The following AHCYL1 variants were observed in gnomAD, a reference collection of about 807,000 sequenced individuals.
AHCYL1 encodes S-adenosylhomocysteine hydrolase-like protein 1.
AHCYL1 carries 20 observed loss-of-function variants against 79.3 expected under a neutral mutation model. That is an observed-to-expected ratio of 0.25 (90% CI 0.18 to 0.37). The LOEUF (loss-of-function observed/expected upper bound fraction) is 0.37, where lower values mean the gene tolerates loss of function less well. AHCYL1 is among the 10% of genes least tolerant of loss of function. The pLI is 1.00. For synonymous variants in AHCYL1, 223 were observed against 242.2 expected, an observed-to-expected ratio of 0.92 and a Z score of 0.74; for missense variants, 330 against 673.6, an observed-to-expected ratio of 0.49 and a Z score of 5.65.
chr1:109,999,023 G>A (rs1650169702), intron 1 of AHCYL1, among the ~76,000 whole-genome samples: 1 of 152,080 alleles, frequency 6.6e-6, no homozygotes, highest in African/African-American at 2.4e-5. Context: ...TGGGCACGGT[G>A]GCACATGACT....
At chr1:109,997,023 A>G (rs1650068126) in intron 1 of AHCYL1, among the ~76,000 whole-genome samples, 1 of 152,236 alleles carries the variant, frequency 6.6e-6, no homozygotes, top group East Asian at 1.9e-4. Flanking sequence ...CCAAAGCAGT[A>G]TGTAAACAAC....
chr1:110,012,515 A>G, intron 4 of AHCYL1, 53 bp downstream of exon 4: 2 of 1,453,024 alleles, frequency 1.4e-6, no homozygotes. Context: ...GAAAGAAATC[A>G]ATTTTTTTTT....
rs375317398 is a variant in AHCYL1, at chr1:110,018,660, G to C, written c.1317+10G>C. 3.7e-6 allele frequency: 6 copies of C among 1,610,738 alleles called. No homozygotes were observed. The African/African-American group carries it at 6.7e-5, about 18-fold the overall frequency. ...TGTCCTCCTGGCAGAGGTACACACA[G>C]AGAAGGACCCTGGCAGAGCAGCACA... On this transcript the variant is annotated intron_variant, in intron 13 of 16. Transcript: ENST00000369799.
intron 14 of AHCYL1, 114 bp from the exon 15 acceptor site, chr1:110,019,434 T>C (rs1178769805): frequency 2.2e-6 from 2 of 926,140 alleles, no homozygotes; most frequent in African/African-American, 3.3e-5. Context: ...CTAGGTACTG[T>C]GACTGTGGTA....
At chr1:109,985,303 G>A in intron 1 of AHCYL1, 131 bp downstream of exon 1, 1 of 1,403,724 alleles carries the variant, frequency 7.1e-7, no homozygotes, top group Non-Finnish European at 9.3e-7. Context: ...GTAGGGGGTG[G>A]CGGCTGTGCG....
At chr1:110,012,572 T>A in intron 4 of AHCYL1, 110 bp downstream of exon 4, 1 of 882,094 alleles carries the variant, frequency 1.1e-6, no homozygotes, top group Non-Finnish European at 1.6e-6. Flanking sequence ...TGCTAACTAT[T>A]AATAGGATCT....
At chr1:109,992,357 C>G (rs936915842) in intron 1 of AHCYL1, among the ~76,000 whole-genome samples, 7 of 149,410 alleles carry the variant, frequency 4.7e-5, no homozygotes, top group Admixed American at 1.4e-4. Context: ...TTGCAGTGAG[C>G]CAAGATCGCA....
At chr1:109,993,028 G>C (rs1649847414) in intron 1 of AHCYL1, among the ~76,000 whole-genome samples, 1 of 152,120 alleles carries the variant, frequency 6.6e-6, no homozygotes, top group African/African-American at 2.4e-5. Context: ...CTCCCTCTTT[G>C]GGATGCTCCT....
intron 1 of AHCYL1, among the ~76,000 whole-genome samples, chr1:109,990,338 GT>G (rs796583308): frequency 1.3e-5 from 2 of 152,200 alleles, no homozygotes; most frequent in East Asian, 1.9e-4. Flanking sequence ...AATTAGTGGG[GT>G]TTTTTTGTAC....
At chr1:110,013,733 AT>A in intron 5 of AHCYL1, among the ~76,000 whole-genome samples, 1 of 151,946 alleles carries the variant, frequency 6.6e-6, no homozygotes, top group East Asian at 1.9e-4. Flanking sequence ...AATAATAATA[AT>A]TTTTATTATT....
Position 110,018,398 on chromosome 1 carries a change from G to A in AHCYL1, c.1149G>A (p.Glu383=), listed in dbSNP as rs1329001229. 1 of 1,614,024 alleles carries A rather than the reference G, an allele frequency of 6.2e-7. No homozygotes were observed. The highest frequency in any genetic ancestry group is 8.5e-7 in the Non-Finnish European group (1 of 1,180,020). Residue 383 remains glutamate (E), a synonymous_variant, in exon 12 of 17, where the codon GAG becomes GAA. Coordinates refer to ENST00000369799, the MANE Select transcript of AHCYL1 (RefSeq NM_006621.7). Reference sequence around the variant, plus strand: ...GAAATAAGAATGTAGTGACACGGGAGCACTTGGATCGCATGAAAAACAGTT... The same window carrying A: ...GAAATAAGAATGTAGTGACACGGGAACACTTGGATCGCATGAAAAACAGTT... The part of the protein sequence containing the change: ...CTGNKNVVTR[E]HLDRMKNSCI...
Position 110,021,902 on chromosome 1 carries a change from T to C in AHCYL1, c.*222T>C. 2.0e-6 allele frequency: 1 copy of C among 497,990 alleles called. No individual in the cohort carries two copies. Among genetic ancestry groups the C allele is most frequent in the Non-Finnish European group, 3.5e-6 (1 of 285,562 alleles). The allele number at this position is 497,990 out of a possible 1,614,324, so 30.8% of individuals were successfully genotyped here. On this transcript the variant is annotated 3_prime_UTR_variant, in exon 17 of 17. Coordinates refer to ENST00000369799, the MANE Select transcript of AHCYL1 (RefSeq NM_006621.7). ...GTTCAGGGTTCCTCACTCTAGTCAC[T>C]AAAGAAGGATTTTACTCTCCCAGCC...
chr1:110,014,699 A>G (rs1651290765), intron 5 of AHCYL1, 64 bp from the exon 6 acceptor site: 3 of 1,254,064 alleles, frequency 2.4e-6, no homozygotes, highest in Admixed American at 1.9e-5. Context: ...TGGATCTCAG[A>G]AAGTGATTTG....
intron 1 of AHCYL1, chr1:109,985,511 G>C: frequency 9.8e-7 from 1 of 1,016,334 alleles, no homozygotes; most frequent in Non-Finnish European, 1.2e-6. Flanking sequence ...GACCAGTCCG[G>C]GGGCATGGGG....
At chr1:109,986,702 G>A (rs1310658254) in intron 1 of AHCYL1, among the ~76,000 whole-genome samples, 1 of 152,192 alleles carries the variant, frequency 6.6e-6, no homozygotes, top group Non-Finnish European at 1.5e-5. Flanking sequence ...TAGTAAATCT[G>A]TATTCTTGAA....
chr1:110,020,910 A>G, intron 16 of AHCYL1, 59 bp downstream of exon 16: 1 of 1,563,064 alleles, frequency 6.4e-7, no homozygotes, highest in South Asian at 1.2e-5. Flanking sequence ...CAAGCAGGCT[A>G]GCCTGCTTCT....
At chr1:110,018,939 C>A in intron 13 of AHCYL1, 112 bp from the exon 14 acceptor site, 1 of 997,050 alleles carries the variant, frequency 1.0e-6, no homozygotes, top group Non-Finnish European at 1.6e-6. Context: ...GTAATTCTTC[C>A]TCTTCCAACT....
chr1:110,012,863 C>T, intron 4 of AHCYL1, 34 bp from the exon 5 acceptor site: 1 of 1,571,052 alleles, frequency 6.4e-7, no homozygotes, highest in African/African-American at 1.4e-5. Flanking sequence ...TGGCCCTTCT[C>T]TTCCTCACCC....
intron 1 of AHCYL1, among the ~76,000 whole-genome samples, chr1:109,994,383 C>T (rs185131680): frequency 6.6e-6 from 1 of 152,366 alleles, no homozygotes; most frequent in East Asian, 1.9e-4. Flanking sequence ...CTGCCTCAGC[C>T]TCCCAAGTAG....
Sources: gnomAD v4.1 joint callset for allele counts (sites outside exome capture counted in the v4.1 genomes callset) on GRCh38, gnomAD v4.1.1 for gene constraint, MANE v1.5 for transcripts, NCBI Gene and HGNC (gene_info 2026-07-23, HGNC 2026-07-21) for gene names.